SHANK2: variants seen among roughly 807,000 people sequenced by gnomAD.
The protein encoded by SHANK2 is SH3 and multiple ankyrin repeat domains 2.
SHANK2 carries 43 observed loss-of-function variants against 133.7 expected under a neutral mutation model. The observed-to-expected ratio is 0.32, with a 90% confidence interval of 0.25 to 0.41. SHANK2 has a LOEUF of 0.41. Among genes scored for constraint, SHANK2 ranks in the 10% least tolerant of loss-of-function variants. The pLI is 1.00. For missense variants in SHANK2, 1,994 were observed against 2,235.8 expected (o/e 0.89, Z 2.18); for synonymous variants, 1,017 against 952.8 (o/e 1.07, Z -1.24).
chr11:71,133,292 G>A (rs562257557), intron 3 of SHANK2, among the ~76,000 whole-genome samples: 122 of 147,016 alleles, frequency 8.3e-4, no homozygotes, highest in Non-Finnish European at 1.5e-3. Flanking sequence ...CCGGCCGGAC[G>A]GCTGGCTGGC....
rs145098181 is a variant in SHANK2, at chr11:71,223,836, C to T, written c.-13+861G>A. ...GAAAATGACGGAGAGGAACTGGAAG[C>T]GCCTGCACCACTCATCTGTCTGCAG... On this transcript the variant is annotated intron_variant, in intron 2 of 25. Transcript: ENST00000601538. Among the ~76,000 whole-genome samples the T allele has an allele frequency of 3.3e-3, 510 of 152,296 alleles. 1 individual carries two copies. The highest frequency in any genetic ancestry group is 0.012 in the African/African-American group (484 of 41,562).
At chr11:71,064,712 G>A (rs1399112922) in intron 9 of SHANK2, among the ~76,000 whole-genome samples, 1 of 152,076 alleles carries the variant, frequency 6.6e-6, no homozygotes, top group Non-Finnish European at 1.5e-5. Flanking sequence ...CCCAGAGAGG[G>A]TGGAGAGGGA....
At chr11:70,954,625 C>G (rs1406982835) in intron 10 of SHANK2, among the ~76,000 whole-genome samples, 2 of 152,156 alleles carry the variant, frequency 1.3e-5, no homozygotes, top group African/African-American at 4.8e-5. Flanking sequence ...GGGGACAGGC[C>G]ACATCCAAAA....
intron 5 of SHANK2, among the ~76,000 whole-genome samples, chr11:71,112,671 C>G (rs1951908112): frequency 6.6e-6 from 1 of 152,134 alleles, no homozygotes; most frequent in Non-Finnish European, 1.5e-5. Context: ...ACAGATTCCT[C>G]CTCCTGTTGG....
At chr11:71,215,303 C>G (rs927740742) in intron 2 of SHANK2, among the ~76,000 whole-genome samples, 6 of 152,322 alleles carry the variant, frequency 3.9e-5, no homozygotes, top group African/African-American at 1.2e-4. Flanking sequence ...CCCCCTGCCC[C>G]CTGCGTCTGT....
intron 14 of SHANK2, among the ~76,000 whole-genome samples, chr11:70,769,307 C>T (rs1411270693): frequency 6.6e-6 from 1 of 152,216 alleles, no homozygotes; most frequent in Non-Finnish European, 1.5e-5. Context: ...CACTGCCCTC[C>T]TTTGCTCGCA....
intron 2 of SHANK2, among the ~76,000 whole-genome samples, chr11:71,203,663 C>A (rs1954066589): frequency 6.6e-6 from 1 of 152,200 alleles, no homozygotes; most frequent in South Asian, 2.1e-4. Flanking sequence ...CCTCTGAGCC[C>A]TGGGAATATC....
chr11:70,932,447 G>A (rs1278045757), intron 10 of SHANK2, among the ~76,000 whole-genome samples: 1 of 152,244 alleles, frequency 6.6e-6, no homozygotes, highest in Non-Finnish European at 1.5e-5. Flanking sequence ...AAGGGAAGCA[G>A]ATGCATGGAA....
At chr11:71,187,054 C>T (rs1953689922) in intron 2 of SHANK2, among the ~76,000 whole-genome samples, 1 of 152,156 alleles carries the variant, frequency 6.6e-6, no homozygotes, top group African/African-American at 2.4e-5. Context: ...CTAAGGGGAC[C>T]CTGAAGGCTT....
rs1555094918 is a variant in SHANK2, at chr11:71,094,544, G to A, written c.737C>T (p.Ala246Val). 1 of 1,550,404 alleles carries A rather than the reference G, an allele frequency of 6.4e-7. No individual in the cohort carries two copies. Among genetic ancestry groups the A allele is most frequent in the Admixed American group, 2.0e-5 (1 of 50,940 alleles). Reference sequence around the variant, plus strand: ...AGATGGGCCCGAGTTTACCTTCAGGGCAACTTGGTTCCTCGCTCGGGCAGC... The same window carrying A: ...AGATGGGCCCGAGTTTACCTTCAGGACAACTTGGTTCCTCGCTCGGGCAGC... ...HKAARARNQV[A>V]LKTLLELGAS... The change falls in exon 7 of 26, where the codon GCC becomes GTC. Residue 246 changes from alanine to valine, a missense_variant. Around this residue, in one of 5 missense-constraint regions of SHANK2, gnomAD observed 653 missense variants for 563.4 expected, o/e 1.16. Transcript: ENST00000601538.
At chr11:70,816,410 G>A (rs1948398133) in intron 12 of SHANK2, among the ~76,000 whole-genome samples, 1 of 152,216 alleles carries the variant, frequency 6.6e-6, no homozygotes, top group South Asian at 2.1e-4. Context: ...CTTCAGACAG[G>A]AGGAAGTGGG....
rs782132769 is a variant in SHANK2 at position 71,125,148 on chromosome 11, T to C, written c.208-6116A>G. Among the ~76,000 whole-genome samples, 90 of 152,092 alleles carry C rather than the reference T, an allele frequency of 5.9e-4. 2 individuals are homozygous for C. Among genetic ancestry groups the C allele is most frequent in the Admixed American group, 2.2e-3 (33 of 15,268 alleles). On this transcript the variant is annotated intron_variant, in intron 3 of 25. Coordinates refer to ENST00000601538, the MANE Select transcript of SHANK2 (RefSeq NM_012309.5). ...GGCCTCCCTATGCCCCGAGACACAA[T>C]AATATTGAAATTAGGTCAAGTAATA...
At chr11:70,647,800 G>T (rs1238013930) in intron 17 of SHANK2, among the ~76,000 whole-genome samples, 1 of 152,194 alleles carries the variant, frequency 6.6e-6, no homozygotes, top group Non-Finnish European at 1.5e-5. Flanking sequence ...TGACGAAGGT[G>T]GTGAACTCAG....
At chr11:71,138,461 T>C (rs1952490699) in intron 3 of SHANK2, among the ~76,000 whole-genome samples, 1 of 152,226 alleles carries the variant, frequency 6.6e-6, no homozygotes, top group African/African-American at 2.4e-5. Context: ...TGAAACCTCC[T>C]TACTTTTGGG....
At chr11:70,890,489 AAAAAAAAC>A (rs1555074422) in intron 11 of SHANK2, among the ~76,000 whole-genome samples, 1 of 22,072 alleles carries the variant, frequency 4.5e-5, no homozygotes, top group African/African-American at 6.0e-5. Context: ...AAAAAAAAAC[AAAAAAAAC>A]AAAAAAAACA....
intron 11 of SHANK2, among the ~76,000 whole-genome samples, chr11:70,824,711 A>AT (rs1948610651): frequency 6.6e-6 from 1 of 152,048 alleles, no homozygotes; most frequent in South Asian, 2.1e-4. Flanking sequence ...ACTAAAAAAA[A>AT]CCTTGTAGAT....
Position 70,806,860 on chromosome 11 carries a change from T to C in SHANK2, c.1663+142A>G. 5.0e-6 allele frequency: 3 copies of C among 595,538 alleles called. No individual in the cohort carries two copies. The South Asian group carries it at 6.2e-5, about 12-fold the overall frequency. The allele number at this position is 595,538 out of a possible 1,614,324, so 36.9% of individuals were successfully genotyped here. A position where few individuals can be genotyped will look rare whatever the true frequency, so the allele number is the denominator to read the frequency against. On this transcript the variant is annotated intron_variant, in intron 13 of 25. Coordinates refer to ENST00000601538, the MANE Select transcript of SHANK2 (RefSeq NM_012309.5). ...GAGGGAAAGGGTCTGGGAACGTCACTCTGTTCCCCATTCCTGCCCTTCCAG... is the reference window on the plus strand; with the variant it reads ...GAGGGAAAGGGTCTGGGAACGTCACCCTGTTCCCCATTCCTGCCCTTCCAG...
intron 6 of SHANK2, among the ~76,000 whole-genome samples, chr11:71,104,329 T>C (rs1951769993): frequency 6.6e-6 from 1 of 152,150 alleles, no homozygotes; most frequent in Non-Finnish European, 1.5e-5. Context: ...AGCTGGGCAT[T>C]GGAAGGGTCG....
chr11:71,107,277 C>T (rs1197503278), intron 6 of SHANK2, among the ~76,000 whole-genome samples: 1 of 152,160 alleles, frequency 6.6e-6, no homozygotes, highest in Non-Finnish European at 1.5e-5. Context: ...CGCATTCTGT[C>T]CTTGAGCACC....
Sources: allele counts gnomAD v4.1 joint callset (sites outside exome capture counted in the v4.1 genomes callset), GRCh38; gene constraint gnomAD v4.1.1; regional missense constraint gnomAD v4.1.1; transcripts MANE v1.5; gene names NCBI Gene and HGNC (gene_info 2026-07-23, HGNC 2026-07-21).